PRKDC: variants seen among roughly 807,000 people sequenced by gnomAD.
PRKDC encodes protein kinase, DNA-activated, catalytic subunit, also known as DNA-dependent protein kinase catalytic subunit.
PRKDC carries 82 observed loss-of-function variants against 486.9 expected under a neutral mutation model. The observed-to-expected ratio is 0.17, with a 90% CI of 0.14 to 0.20. The LOEUF (loss-of-function observed/expected upper bound fraction) is 0.20, where lower values mean the gene tolerates loss of function less well. PRKDC is among the 10% of genes least tolerant of loss of function. PRKDC has a pLI of 1.00. For missense variants in PRKDC, 4,504 were observed against 5,038.2 expected (o/e 0.89, Z 3.21); for synonymous variants, 1,895 against 1,837.0 (o/e 1.03, Z -0.81).
intron 81 of PRKDC, 96 bp from the exon 82 acceptor site, chr8:47,778,895 C>A (rs8178246): frequency 6.9e-7 from 1 of 1,455,606 alleles, no homozygotes; most frequent in South Asian, 1.3e-5. Context: ...ACTCAAATAT[C>A]GAATAATCTT....
rs369642176 is a variant in PRKDC at position 47,834,324 on chromosome 8, G to C, written c.8024C>G (p.Ser2675Cys). Residue 2675 changes from serine (S) to cysteine (C), a missense_variant, in exon 59 of 86, where the codon TCT (serine) becomes TGT (cysteine). Physicochemically the swap from Ser to Cys is moderately radical, Grantham distance 112. Around this residue, in one of 6 missense-constraint regions of PRKDC, gnomAD observed 1,592 missense variants for 1,724.6 expected, o/e 0.92. Transcript: ENST00000314191. ...CTTGTGGGCAAACAGCAAGGAGTCA[G>C]ATGAGGGACTGGTGTGGTCGACCAG... Reference protein sequence around the residue: ...DPLVDHTSPSSDSLLFAHKRS... With the variant: ...DPLVDHTSPSCDSLLFAHKRS... 2.5e-6 allele frequency: 4 copies of C among 1,614,030 alleles called. No homozygotes were observed. In the South Asian group the frequency reaches 4.4e-5, roughly 18 times the overall value.
At chr8:47,918,446 G>T in intron 21 of PRKDC, 63 bp from the exon 22 acceptor site, 1 of 931,358 alleles carries the variant, frequency 1.1e-6, no homozygotes, top group African/African-American at 1.7e-5. Context: ...ATGTACATTA[G>T]AGGCAACAAA....
chr8:47,912,609 G>A, intron 24 of PRKDC, 47 bp from the exon 25 acceptor site: 2 of 1,492,972 alleles, frequency 1.3e-6, no homozygotes, highest in South Asian at 1.4e-5. Context: ...TCACGTTGAT[G>A]ACAAGAGAAT....
chr8:47,863,714 A>C (rs541108145), intron 41 of PRKDC, 137 bp from the exon 42 acceptor site: 49 of 685,272 alleles, frequency 7.2e-5, no homozygotes, highest in Non-Finnish European at 1.0e-4. Context: ...TCACTTCAAT[A>C]AGAAAGCATG....
intron 54 of PRKDC, among the ~76,000 whole-genome samples, chr8:47,844,960 C>T (rs1279057964): frequency 6.6e-6 from 1 of 152,114 alleles, no homozygotes; most frequent in Non-Finnish European, 1.5e-5. Flanking sequence ...AGGCTGATGC[C>T]TGTACCCACT....
rs1406710936 is a variant in PRKDC, at chr8:47,885,936, T to G, written c.4776+8A>C. On this transcript the variant is annotated splice_region_variant and intron_variant, in intron 36 of 85. Coordinates refer to ENST00000314191, the MANE Select transcript of PRKDC (RefSeq NM_006904.7). ...AAAAACAGTTTATTTAAAGGGAAAC[T>G]TTGTTACCATTTTGGTATTATCCAC... 1 of 1,608,246 alleles carries G rather than the reference T, an allele frequency of 6.2e-7. No individual in the cohort carries two copies. The highest frequency in any genetic ancestry group is 8.5e-7 in the Non-Finnish European group (1 of 1,175,332).
rs747942981 is a variant in PRKDC at position 47,830,665 on chromosome 8, G to T, written c.8337C>A (p.Asp2779Glu). Residue 2779 changes from aspartate to glutamate, a missense_variant, in exon 61 of 86, where the codon GAC (aspartate) becomes GAA (glutamate). Around this residue, in one of 6 missense-constraint regions of PRKDC, gnomAD observed 1,592 missense variants for 1,724.6 expected, o/e 0.92. Transcript: ENST00000314191. The part of the protein sequence containing the change: ...VVLYRSYRHG[D>E]LPDIQIKHSS... ...TGTGCTTGATCTGAATGTCAGGAAG[G>T]TCTCCGTGCCGGTAGCTTCTGTACA... The T allele has an allele frequency of 1.2e-6, 2 of 1,613,956 alleles. No homozygotes were observed. Among genetic ancestry groups the T allele is most frequent in the Non-Finnish European group, 8.5e-7 (1 of 1,179,894 alleles).
Position 47,914,018 on chromosome 8 carries a change from T to C in PRKDC, c.2664A>G (p.Arg888=), listed in dbSNP as rs759906865. The change falls in exon 24 of 86, where the codon AGA becomes AGG. Residue 888 remains arginine (R), a synonymous_variant. Transcript: ENST00000314191. ...GCACTGCAAAGCTCAGCCGCTTCTC[T>C]CTGTCCCAGGCCACATAGCTCTTCA... ...EMMKSYVAWD[R]EKRLSFAVPF... The C allele has an allele frequency of 1.9e-5, 31 of 1,599,134 alleles. No homozygotes were observed. The highest frequency in any genetic ancestry group is 3.4e-5 in the Admixed American group (2 of 58,058).
intron 11 of PRKDC, among the ~76,000 whole-genome samples, chr8:47,937,215 C>T (rs1211647523): frequency 3.3e-5 from 5 of 151,968 alleles, no homozygotes; most frequent in African/African-American, 1.2e-4. Flanking sequence ...GAGCTGAGAT[C>T]GCGCCACTGC....
chr8:47,927,782 G>A lies in PRKDC; in HGVS notation c.2248C>T (p.Pro750Ser), dbSNP rs2090177848. ...IIELDVRAYV[P>S]ALQMAFKLGL... ...AAGACAACGCCTACCTGCAGTGCAGGAACGTAGGCTCTAACATCGAGTTCA... is the reference window on the plus strand; with the variant it reads ...AAGACAACGCCTACCTGCAGTGCAGAAACGTAGGCTCTAACATCGAGTTCA... The change falls in exon 20 of 86, where the codon CCT becomes TCT. Residue 750 changes from proline to serine, a missense_variant. Physicochemically the swap from Pro to Ser is moderately conservative, Grantham distance 74 (BLOSUM62 -1). Coordinates refer to ENST00000314191, the MANE Select transcript of PRKDC (RefSeq NM_006904.7). The A allele has an allele frequency of 6.4e-7, 1 of 1,562,698 alleles. No homozygotes were observed. Among genetic ancestry groups the A allele is most frequent in the Non-Finnish European group, 8.6e-7 (1 of 1,159,342 alleles).
In PRKDC at chr8:47,783,662, T is replaced by C. The variant is rs141865511; in HGVS notation, c.11175+80A>G. The C allele has an allele frequency of 4.4e-5, 62 of 1,397,068 alleles. No individual in the cohort carries two copies. The African/African-American group carries it at 7.8e-4, about 18-fold the overall frequency. The allele number at this position is 1,397,068 out of a possible 1,614,324, so 86.5% of individuals were successfully genotyped here. ...GTGATCAACATGGGCCGTTGTCTCA[T>C]ATACTAAAGGCAAACAGATCATTCT... On this transcript the variant is annotated intron_variant, in intron 78 of 85. Coordinates refer to ENST00000314191, the MANE Select transcript of PRKDC (RefSeq NM_006904.7).
At chr8:47,865,116 G>A (rs2154500830) in intron 40 of PRKDC, among the ~76,000 whole-genome samples, 1 of 152,288 alleles carries the variant, frequency 6.6e-6, no homozygotes, top group Non-Finnish European at 1.5e-5. Context: ...GGCTGGGCGT[G>A]GTGGCTCACG....
intron 21 of PRKDC, among the ~76,000 whole-genome samples, chr8:47,919,788 C>A (rs2090044950): frequency 7.0e-6 from 1 of 143,866 alleles, no homozygotes; most frequent in Admixed American, 7.1e-5. Flanking sequence ...AAAAACAGAT[C>A]TTTGATATCT....
At chr8:47,820,263 A>G (rs1281091160) in intron 66 of PRKDC, among the ~76,000 whole-genome samples, 1 of 151,968 alleles carries the variant, frequency 6.6e-6, no homozygotes, top group African/African-American at 2.4e-5. Context: ...AAATACTAAA[A>G]TTAGCCGAGG....
chr8:47,785,754 T>C (rs1436186534), intron 76 of PRKDC, among the ~76,000 whole-genome samples: 1 of 148,984 alleles, frequency 6.7e-6, no homozygotes, highest in Non-Finnish European at 1.5e-5. Context: ...AAAAAAATTA[T>C]AGTTTTGCTT....
intron 83 of PRKDC, among the ~76,000 whole-genome samples, chr8:47,778,075 A>AC (rs1465764409): frequency 6.6e-6 from 1 of 152,162 alleles, no homozygotes; most frequent in Non-Finnish European, 1.5e-5. Flanking sequence ...TCAATGCAAA[A>AC]CCCACGTGCA....
At chr8:47,951,951 A>C (rs1308899906) in intron 7 of PRKDC, among the ~76,000 whole-genome samples, 1 of 152,212 alleles carries the variant, frequency 6.6e-6, no homozygotes, top group Non-Finnish European at 1.5e-5. Flanking sequence ...TCTGCTACCA[A>C]AAACACAGAA....
At chr8:47,934,839 C>T (rs1042486088) in intron 14 of PRKDC, among the ~76,000 whole-genome samples, 170 bp downstream of exon 14, 9 of 152,160 alleles carry the variant, frequency 5.9e-5, no homozygotes, top group Non-Finnish European at 1.5e-5. Flanking sequence ...AGTGTATTCA[C>T]CTAACAAAAT....
At chr8:47,958,718 G>A (rs1247871751) in intron 1 of PRKDC, among the ~76,000 whole-genome samples, 5 of 151,436 alleles carry the variant, frequency 3.3e-5, no homozygotes, top group Admixed American at 2.0e-4. Context: ...GTACATATAG[G>A]ATACATGTAT....
Sources: gnomAD v4.1 joint callset for allele counts (sites outside exome capture counted in the v4.1 genomes callset) on GRCh38, gnomAD v4.1.1 for gene constraint, gnomAD v4.1.1 regional missense constraint, MANE v1.5 for transcripts, NCBI Gene and HGNC (gene_info 2026-07-23, HGNC 2026-07-21) for gene names.